TFAP2C: variants seen among roughly 807,000 people sequenced by gnomAD.
The protein encoded by TFAP2C is activating enhancer-binding protein 2 gamma.
A neutral mutation model predicts 42.9 loss-of-function variants in TFAP2C; 9 were observed. The observed-to-expected ratio is 0.21, with a 90% CI of 0.13 to 0.37. The LOEUF is 0.37. Among genes scored for constraint, TFAP2C ranks in the 10% least tolerant of loss-of-function variants. The pLI is 1.00. For synonymous variants in TFAP2C, 264 were observed against 256.0 expected (o/e 1.03, Z -0.30); for missense variants, 462 against 591.7 (o/e 0.78, Z 2.27).
In TFAP2C at chr20:56,633,546, G is replaced by C; in HGVS notation, c.780G>C (p.Ser260=). The C allele has an allele frequency of 6.2e-7, 1 of 1,614,076 alleles. No homozygotes were observed. Among genetic ancestry groups the C allele is most frequent in the Non-Finnish European group, 8.5e-7 (1 of 1,179,976 alleles). ...CCCCACCTGAATGCTTAAATGCCTC[G>C]TTACTGGGAGGTGTTCTCAGAAGGT... ...RLSPPECLNA[S]LLGGVLRRAK... The change falls in exon 4 of 7, where the codon TCG becomes TCC. Residue 260 remains serine, a synonymous_variant. Transcript: ENST00000201031.
At position 56,637,798 on chromosome 20, in the gene TFAP2C, C is replaced by T; in HGVS notation, c.1138C>T (p.Pro380Ser). The T allele has an allele frequency of 6.2e-7, 1 of 1,614,156 alleles. No individual in the cohort carries two copies. Among genetic ancestry groups the T allele is most frequent in the Non-Finnish European group, 8.5e-7 (1 of 1,179,998 alleles). ...RTPHGTSRLAPVLETNIQNCL... is the reference protein window; with the variant it reads ...RTPHGTSRLASVLETNIQNCL... ...ACCCCATGGGACCAGCAGGCTCGCC[C>T]CAGTCTTGGAGACGAACATACAGAA... The change falls in exon 7 of 7, where the codon CCA becomes TCA. Residue 380 changes from proline to serine, a missense_variant. Pro to Ser is a moderately conservative substitution (Grantham distance 74). Around this residue, in one of 5 missense-constraint regions of TFAP2C, gnomAD observed 130 missense variants for 160.8 expected, o/e 0.81. Coordinates refer to ENST00000201031, the MANE Select transcript of TFAP2C (RefSeq NM_003222.4).
chr20:56,631,009 C>A lies in TFAP2C; in HGVS notation c.49-196C>A. 1 of 985,394 alleles carries A rather than the reference C, an allele frequency of 1.0e-6. No individual in the cohort carries two copies. Among genetic ancestry groups the A allele is most frequent in the Non-Finnish European group, 1.2e-6 (1 of 829,884 alleles). 61.0% of individuals were successfully genotyped at this position (985,394 alleles called of 1,614,324 possible). A position where few individuals can be genotyped will look rare whatever the true frequency, so the allele number is the denominator to read the frequency against. The stretch of plus-strand genomic sequence containing the variant: ...CCCAGGTCTTTCACCAGACTCTCCT[C>A]CCTCCCCGCACTCTTTGCTTACAAC... On this transcript the variant is annotated intron_variant, in intron 1 of 6. Coordinates refer to ENST00000201031, the MANE Select transcript of TFAP2C (RefSeq NM_003222.4). This position sits in a 1 kb window ranked among gnomAD's most constrained non-coding sequence, Gnocchi z 6.1.
Position 56,631,024 on chromosome 20 carries a change from T to C in TFAP2C, c.49-181T>C. 7.1e-6 allele frequency: 7 copies of C among 985,320 alleles called. No individual in the cohort carries two copies. Among genetic ancestry groups the C allele is most frequent in the Non-Finnish European group, 8.4e-6 (7 of 829,858 alleles). 61.0% of individuals were successfully genotyped at this position (985,320 alleles called of 1,614,324 possible). Reference sequence around the variant, plus strand: ...AGACTCTCCTCCCTCCCCGCACTCTTTGCTTACAACGAAATCCTCGGGGCG... The same window carrying C: ...AGACTCTCCTCCCTCCCCGCACTCTCTGCTTACAACGAAATCCTCGGGGCG... On this transcript the variant is annotated intron_variant, in intron 1 of 6. Coordinates refer to ENST00000201031, the MANE Select transcript of TFAP2C (RefSeq NM_003222.4). This position sits in a 1 kb window ranked among gnomAD's most constrained non-coding sequence, Gnocchi z 6.1.
chr20:56,631,113 CG>C lies in TFAP2C; in HGVS notation c.49-88del. The C allele has an allele frequency of 6.2e-6, 9 of 1,455,328 alleles. No homozygotes were observed. Among genetic ancestry groups the C allele is most frequent in the Non-Finnish European group, 8.1e-6 (9 of 1,110,122 alleles). 90.2% of individuals were successfully genotyped at this position (1,455,328 alleles called of 1,614,324 possible). On this transcript the variant is annotated intron_variant, in intron 1 of 6. Transcript: ENST00000201031. The surrounding 1 kb of genome is among the most constrained non-coding windows in gnomAD (Gnocchi z 6.1). ...GCCGGGCGGGGTGCGGTTGGTCCCC[CG>C]GGGCCCTCTGCGTAGCCCGGCGATG... is the stretch of plus-strand genomic sequence containing the variant.
In TFAP2C at chr20:56,631,265, C is replaced by T; in HGVS notation, c.109C>T (p.Gln37Ter). 6.3e-7 allele frequency: 1 copy of T among 1,590,398 alleles called. No individual in the cohort carries two copies. The highest frequency in any genetic ancestry group is 8.5e-7 in the Non-Finnish European group (1 of 1,169,594). The change falls in exon 2 of 7, where the codon CAG becomes TAG. Residue 37 changes from glutamine to a stop codon, truncating the protein, a stop_gained. Transcript: ENST00000201031. LOFTEE classifies it high-confidence loss of function. The surrounding 1 kb of genome is among the most constrained non-coding windows in gnomAD (Gnocchi z 6.1). ...PRVPHLSSAGQHLYSPAPPLS... is the reference protein window; with the variant it reads ...PRVPHLSSAG ...GGTCCCCCACCTCTCCTCCGCCGGGCAGCACCTCTACAGCCCCGCGCCACC... is the reference window on the plus strand; with the variant it reads ...GGTCCCCCACCTCTCCTCCGCCGGGTAGCACCTCTACAGCCCCGCGCCACC...
At chr20:56,636,458 G>A (rs1002409416) in intron 5 of TFAP2C, 152 bp from the exon 6 acceptor site, 30 of 734,600 alleles carry the variant, frequency 4.1e-5, no homozygotes, top group Non-Finnish European at 6.1e-5. Context: ...TTCCGGAGGT[G>A]GAGGTTGCAG....
At chr20:56,632,754 TTAG>T (rs1987515096) in intron 3 of TFAP2C, among the ~76,000 whole-genome samples, 1 of 152,024 alleles carries the variant, frequency 6.6e-6, no homozygotes. Context: ...CACCGTTTAT[TTAG>T]TATTGAAGCA....
rs62208555 is a variant in TFAP2C at position 56,633,838 on chromosome 20, C to G, written c.803+269C>G. Among the ~76,000 whole-genome samples the G allele has an allele frequency of 8.6e-3, 1,302 of 152,220 alleles. 12 individuals carry two copies. The highest frequency in any genetic ancestry group is 0.012 in the Non-Finnish European group (806 of 68,010). Reference sequence around the variant, plus strand: ...ATTGAGGGGAGGTGGGGGGAGCACCCTGGGTTTGTTCCCCAGGGAGTTTTT... The same window carrying G: ...ATTGAGGGGAGGTGGGGGGAGCACCGTGGGTTTGTTCCCCAGGGAGTTTTT... On this transcript the variant is annotated intron_variant, in intron 4 of 6. Coordinates refer to ENST00000201031, the MANE Select transcript of TFAP2C (RefSeq NM_003222.4).
Position 56,631,522 on chromosome 20 carries a change from C to T in TFAP2C, c.366C>T (p.Ala122=). The T allele has an allele frequency of 6.6e-7, 1 of 1,507,784 alleles. No individual in the cohort carries two copies. The highest frequency in any genetic ancestry group is 2.2e-5 in the Admixed American group (1 of 44,466). The allele number at this position is 1,507,784 out of a possible 1,614,324, so 93.4% of individuals were successfully genotyped here. A position where few individuals can be genotyped will look rare whatever the true frequency, so the allele number is the denominator to read the frequency against. ...TGCCCTCGCACCACGGGCGCCCGGC[C>T]GGCCTACTGCCCCACCTCTCCGGGC... ...AGLPSHHGRP[A]GLLPHLSGLE... Residue 122 remains alanine (A), a synonymous_variant, in exon 2 of 7, where the codon GCC becomes GCT. Transcript: ENST00000201031. This position sits in a 1 kb window ranked among gnomAD's most constrained non-coding sequence, Gnocchi z 6.1.
At chr20:56,634,094 G>A (rs994226607) in intron 4 of TFAP2C, 56 bp from the exon 5 acceptor site, 105 of 1,169,210 alleles carry the variant, frequency 9.0e-5, no homozygotes, top group Non-Finnish European at 1.1e-4. Context: ...TAAAGTGTGC[G>A]TGTGTATGTG....
At chr20:56,637,691 A>C in intron 6 of TFAP2C, 37 bp from the exon 7 acceptor site, 2 of 1,607,226 alleles carry the variant, frequency 1.2e-6, no homozygotes, top group Non-Finnish European at 1.7e-6. Flanking sequence ...GTAAGGAGCT[A>C]GATGGAACTC....
chr20:56,637,493 C>A (rs550902407), intron 6 of TFAP2C, among the ~76,000 whole-genome samples: 1 of 152,224 alleles, frequency 6.6e-6, no homozygotes, highest in Non-Finnish European at 1.5e-5. Flanking sequence ...ATCCTGTTGT[C>A]TTTTCTAATT....
chr20:56,630,189 G>A lies in TFAP2C; in HGVS notation c.48+597G>A. On this transcript the variant is annotated intron_variant, in intron 1 of 6. Coordinates refer to ENST00000201031, the MANE Select transcript of TFAP2C (RefSeq NM_003222.4). The surrounding 1 kb of genome is among the most constrained non-coding windows in gnomAD (Gnocchi z 5.1). Reference sequence around the variant, plus strand: ...AGTTTCGGAGAGTGGGAGGGAAGAAGGAGGCGGCGAGCGGGAAGAGGAAGA... The same window carrying A: ...AGTTTCGGAGAGTGGGAGGGAAGAAAGAGGCGGCGAGCGGGAAGAGGAAGA... 3.5e-6 allele frequency: 1 copy of A among 283,392 alleles called. No homozygotes were observed. Among genetic ancestry groups the A allele is most frequent in the Non-Finnish European group, 7.3e-6 (1 of 137,128 alleles). 17.6% of individuals were successfully genotyped at this position (283,392 alleles called of 1,614,324 possible).
chr20:56,631,822 C>A lies in TFAP2C; in HGVS notation c.552C>A (p.His184Gln). ...TCCCCCAGAATGTCGACGACCAGCA[C>A]CTGTTGCTGCACGATCAGACAGTCA... ...MDEVQNVDDQ[H>Q]LLLHDQTVIR... The change falls in exon 3 of 7, where the codon CAC becomes CAA. Residue 184 changes from histidine to glutamine, a missense_variant. Transcript: ENST00000201031. This position sits in a 1 kb window ranked among gnomAD's most constrained non-coding sequence, Gnocchi z 6.1. 6.2e-7 allele frequency: 1 copy of A among 1,614,212 alleles called. No homozygotes were observed. The highest frequency in any genetic ancestry group is 8.5e-7 in the Non-Finnish European group (1 of 1,180,036).
In TFAP2C at chr20:56,631,338, C is replaced by A; in HGVS notation, c.182C>A (p.Pro61His). The stretch of plus-strand genomic sequence containing the variant: ...GAATATCAGCCGCCACCCTACTTTC[C>A]CCCTCCCTACCAGCAGCTGGCCTAC... Reference protein sequence around the residue: ...VAEYQPPPYFPPPYQQLAYSQ... With the variant: ...VAEYQPPPYFHPPYQQLAYSQ... The change falls in exon 2 of 7, where the codon CCC becomes CAC. Residue 61 changes from proline to histidine, a missense_variant. This residue lies in a region of TFAP2C where 271 missense variants were observed against 269.7 expected (regional missense o/e 1.00). Coordinates refer to ENST00000201031, the MANE Select transcript of TFAP2C (RefSeq NM_003222.4). The surrounding 1 kb of genome is among the most constrained non-coding windows in gnomAD (Gnocchi z 6.1). 6.2e-7 allele frequency: 1 copy of A among 1,611,214 alleles called. No individual in the cohort carries two copies. Among genetic ancestry groups the A allele is most frequent in the Non-Finnish European group, 8.5e-7 (1 of 1,179,046 alleles).
At position 56,631,409 on chromosome 20, in the gene TFAP2C, G is replaced by A; in HGVS notation, c.253G>A (p.Ala85Thr). The change falls in exon 2 of 7, where the codon GCC (alanine) becomes ACC (threonine). Residue 85 changes from alanine to threonine, a missense_variant. This residue lies in a region of TFAP2C where 271 missense variants were observed against 269.7 expected (regional missense o/e 1.00). Transcript: ENST00000201031. This position sits in a 1 kb window ranked among gnomAD's most constrained non-coding sequence, Gnocchi z 6.1. ...PYSHLGEAYAAAINPLHQPAP... is the reference protein window; with the variant it reads ...PYSHLGEAYATAINPLHQPAP... The stretch of plus-strand genomic sequence containing the variant: ...CTCGCATCTGGGGGAAGCGTACGCC[G>A]CCGCCATCAACCCCCTGCACCAGCC... 1 of 1,604,726 alleles carries A rather than the reference G, an allele frequency of 6.2e-7. No homozygotes were observed. Among genetic ancestry groups the A allele is most frequent in the Non-Finnish European group, 8.5e-7 (1 of 1,176,694 alleles).
chr20:56,632,466 C>G (rs1357277530), intron 3 of TFAP2C, among the ~76,000 whole-genome samples: 7 of 152,114 alleles, frequency 4.6e-5, no homozygotes, highest in Admixed American at 3.3e-4. Context: ...AGTTACTTAA[C>G]TGACAGGATT....
In TFAP2C at chr20:56,638,088, G is replaced by A; in HGVS notation, c.*75G>A. On this transcript the variant is annotated 3_prime_UTR_variant, in exon 7 of 7. Coordinates refer to ENST00000201031, the MANE Select transcript of TFAP2C (RefSeq NM_003222.4). Reference sequence around the variant, plus strand: ...AAATCCTTCTCCACCGCACAGACTGGGAACCCCTCCTGGCCTGGGGGAAGA... The same window carrying A: ...AAATCCTTCTCCACCGCACAGACTGAGAACCCCTCCTGGCCTGGGGGAAGA... The A allele has an allele frequency of 7.2e-7, 1 of 1,387,616 alleles. No homozygotes were observed. The highest frequency in any genetic ancestry group is 9.8e-7 in the Non-Finnish European group (1 of 1,023,412). 86.0% of individuals were successfully genotyped at this position (1,387,616 alleles called of 1,614,324 possible).
In TFAP2C at chr20:56,638,455, C is replaced by T. The variant is rs138048707; in HGVS notation, c.*442C>T. 799 of 158,748 alleles carry T rather than the reference C, an allele frequency of 5.0e-3. 8 individuals carry two copies. The highest frequency in any genetic ancestry group is 6.6e-3 in the Non-Finnish European group (475 of 71,652). The allele number at this position is 158,748 out of a possible 1,614,324, so 9.8% of individuals were successfully genotyped here. A position where few individuals can be genotyped will look rare whatever the true frequency, so the allele number is the denominator to read the frequency against. On this transcript the variant is annotated 3_prime_UTR_variant, in exon 7 of 7. Transcript: ENST00000201031. ...TAAGGTAATGGTTGGTTTTTGTGTC[C>T]GCTAAATATTTACCTTGAAAAAAAG...
Sources: allele counts gnomAD v4.1 joint callset (sites outside exome capture counted in the v4.1 genomes callset), GRCh38; gene constraint gnomAD v4.1.1; regional missense constraint gnomAD v4.1.1; non-coding constraint Gnocchi (gnomAD v3.1); transcripts MANE v1.5; gene names NCBI Gene and HGNC (gene_info 2026-07-23, HGNC 2026-07-21).